The following PRELID2 variants were observed in gnomAD, a reference collection of about 807,000 sequenced individuals.
PRELID2 encodes PRELI domain-containing protein 2.
In PRELID2, 25 loss-of-function variants were observed where a neutral mutation model predicts 28.4. The observed-to-expected ratio is 0.88, with a 90% confidence interval of 0.64 to 1.23. The LOEUF (loss-of-function observed/expected upper bound fraction) is 1.23, where lower values mean the gene tolerates loss of function less well. PRELID2 is among the 50% of genes most tolerant of loss of function. PRELID2 has a pLI of 0.00. For missense variants in PRELID2, 201 were observed against 214.4 expected, an observed-to-expected ratio of 0.94 and a Z score of 0.39; for synonymous variants, 76 against 71.6, an observed-to-expected ratio of 1.06 and a Z score of -0.31.
chr5:145,404,540 C>A, the PRELID2 span, among the ~76,000 whole-genome samples: 13 of 152,326 alleles, frequency 8.5e-5, no homozygotes, highest in Non-Finnish European at 1.0e-4. Flanking sequence ...GTGGGAGAGA[C>A]TGACCAAATG....
At chr5:145,739,631 G>T (rs755264278) in intron 1 of PRELID2, among the ~76,000 whole-genome samples, 58 of 80,134 alleles carry the variant, frequency 7.2e-4, no homozygotes, top group Non-Finnish European at 1.6e-3. Flanking sequence ...GTAGAAAAAA[G>T]TTACAACATT....
chr5:145,797,687 G>C, intron 4 of PRELID2, among the ~76,000 whole-genome samples: 1 of 152,058 alleles, frequency 6.6e-6, no homozygotes, highest in South Asian at 2.1e-4. Context: ...AAAAAGGTTT[G>C]AGAGGCCCCC....
intron 1 of PRELID2, among the ~76,000 whole-genome samples, chr5:145,617,561 C>A (rs561795021): frequency 6.6e-6 from 1 of 152,132 alleles, no homozygotes; most frequent in South Asian, 2.1e-4. Context: ...TTTTCTTATT[C>A]CTTTTTCTTT....
the PRELID2 span, among the ~76,000 whole-genome samples, chr5:145,307,791 A>AG: frequency 6.6e-6 from 1 of 151,652 alleles, no homozygotes; most frequent in Non-Finnish European, 1.5e-5. Context: ...CCATTGGAGC[A>AG]GGAAAAAAAA....
intron 1 of PRELID2, among the ~76,000 whole-genome samples, chr5:145,697,080 T>TACACACAC (rs1491186707): frequency 3.5e-4 from 30 of 85,942 alleles, no homozygotes; most frequent in African/African-American, 1.5e-3. Flanking sequence ...TATATATATA[T>TACACACAC]ACACACACAC....
the PRELID2 span, among the ~76,000 whole-genome samples, chr5:145,387,879 T>C: frequency 1.3e-5 from 2 of 150,872 alleles, no homozygotes; most frequent in African/African-American, 4.9e-5. Context: ...TAAGCCCAGA[T>C]TGCACCACTG....
At chr5:145,805,538 A>G (rs1276700446) in intron 4 of PRELID2, among the ~76,000 whole-genome samples, 1 of 152,166 alleles carries the variant, frequency 6.6e-6, no homozygotes, top group Non-Finnish European at 1.5e-5. Flanking sequence ...TAGAATTACC[A>G]AGGTGAATCT....
At chr5:145,703,848 C>G (rs959806860) in intron 1 of PRELID2, 24 of 152,216 alleles carry the variant, frequency 1.6e-4, no homozygotes, top group Admixed American at 5.2e-4. Flanking sequence ...ATTTTCAGGT[C>G]TCTTTCACAG....
At chr5:145,822,884 C>G (rs538826635) in intron 2 of PRELID2, among the ~76,000 whole-genome samples, 193 bp downstream of exon 2, 1 of 152,110 alleles carries the variant, frequency 6.6e-6, no homozygotes, top group Non-Finnish European at 1.5e-5. Context: ...AATCCTGGTG[C>G]TCTACCTGCC....
chr5:145,669,117 A>C (rs2149681967), intron 1 of PRELID2, among the ~76,000 whole-genome samples: 1 of 152,258 alleles, frequency 6.6e-6, no homozygotes, highest in Non-Finnish European at 1.5e-5. Flanking sequence ...CCAATTACTT[A>C]GGAAAAGATA....
intron 1 of PRELID2, among the ~76,000 whole-genome samples, chr5:145,649,090 G>T (rs1461272829): frequency 6.6e-6 from 1 of 151,730 alleles, no homozygotes; most frequent in Non-Finnish European, 1.5e-5. Context: ...ATTTCAGAAA[G>T]AAGCAATAAA....
intron 1 of PRELID2, among the ~76,000 whole-genome samples, chr5:145,615,320 T>TATAGGTGGTAGATAGTTGG (rs778219046): frequency 5.4e-4 from 58 of 108,014 alleles, no homozygotes; most frequent in East Asian, 1.1e-3. Context: ...GTGAGTCTCT[T>TATAGGTGGTAGATAGTTGG]TTTTTTGTTT....
chr5:145,355,210 CA>C, the PRELID2 span, among the ~76,000 whole-genome samples: 1 of 151,958 alleles, frequency 6.6e-6, no homozygotes, highest in African/African-American at 2.4e-5. Flanking sequence ...CTTACATAAG[CA>C]AGTGGAAACT....
the PRELID2 span, among the ~76,000 whole-genome samples, chr5:145,431,754 GA>G: frequency 6.6e-6 from 1 of 152,184 alleles, no homozygotes; most frequent in Non-Finnish European, 1.5e-5. Flanking sequence ...ACTTCAGACT[GA>G]AAGGGACTAA....
rs1490010292 is a variant in PRELID2 at position 145,486,567 on chromosome 5, G to C, written n.71-13252C>G. Among the ~76,000 whole-genome samples, 3 of 152,136 alleles carry C rather than the reference G, an allele frequency of 2.0e-5. No homozygotes were observed. In the East Asian group the frequency reaches 5.8e-4, roughly 29 times the overall value. On this transcript the variant is annotated intron_variant and non_coding_transcript_variant, in intron 1 of 2. Coordinates refer to the PRELID2 transcript ENST00000510259. ...CAGTTGTATCTTGGTGCATTTTTCT[G>C]TAAGACCGCTCTTGGGGAAAATTCA... is the stretch of plus-strand genomic sequence containing the variant.
the PRELID2 span, among the ~76,000 whole-genome samples, chr5:145,307,877 T>C: frequency 6.6e-6 from 1 of 152,196 alleles, no homozygotes; most frequent in Non-Finnish European, 1.5e-5. Flanking sequence ...TGGACATCTA[T>C]GTACGGTCAT....
At chr5:145,765,863 G>T (rs1757721079) in intron 5 of PRELID2, among the ~76,000 whole-genome samples, 1 of 152,144 alleles carries the variant, frequency 6.6e-6, no homozygotes, top group Admixed American at 6.6e-5. Context: ...CGAGGAAACA[G>T]AAACTCAAAG....
intron 1 of PRELID2, among the ~76,000 whole-genome samples, chr5:145,572,463 T>C (rs1485112131): frequency 6.6e-6 from 1 of 152,208 alleles, no homozygotes; most frequent in African/African-American, 2.4e-5. Flanking sequence ...TTTTAAGGAT[T>C]ACCTAAATTA....
At chr5:145,603,724 A>G (rs1753452449) in intron 1 of PRELID2, among the ~76,000 whole-genome samples, 1 of 152,168 alleles carries the variant, frequency 6.6e-6, no homozygotes, top group Admixed American at 6.6e-5. Flanking sequence ...ATACCTATAC[A>G]CACACGTTAG....
Sources: gnomAD v4.1 joint callset for allele counts (sites outside exome capture counted in the v4.1 genomes callset) on GRCh38, gnomAD v4.1.1 for gene constraint, MANE v1.5 for transcripts, NCBI Gene and HGNC (gene_info 2026-07-23, HGNC 2026-07-21) for gene names.